SEMA3D: variants seen among roughly 807,000 people sequenced by gnomAD.
SEMA3D encodes semaphorin 3D.
SEMA3D carries 84 observed loss-of-function variants against 100.1 expected under a neutral mutation model. The observed-to-expected ratio is 0.84, with a 90% confidence interval of 0.70 to 1.01. The LOEUF (loss-of-function observed/expected upper bound fraction) is 1.01, where lower values mean the gene tolerates loss of function less well. SEMA3D is among the 50% of genes least tolerant of loss of function. The pLI, the probability that SEMA3D is intolerant of heterozygous loss-of-function variation, is 0.00. For synonymous variants in SEMA3D, 312 were observed against 320.7 expected (o/e 0.97, Z 0.29); for missense variants, 875 against 934.1 (o/e 0.94, Z 0.82).
chr7:85,147,103 T>TTTTC (rs1562834894), intron 2 of SEMA3D, among the ~76,000 whole-genome samples: 45 of 124,952 alleles, frequency 3.6e-4, no homozygotes, highest in African/African-American at 1.5e-3. Context: ...TTTTTTTTTT[T>TTTTC]TTTTTTTTTT....
At chr7:85,249,808 T>G in the SEMA3D span, among the ~76,000 whole-genome samples, 28,558 of 152,100 alleles carry the variant, frequency 0.19, 2,720 homozygotes, top group Middle Eastern at 0.25. Flanking sequence ...TAAAACTGCA[T>G]CTAGAAGTCT....
intron 8 of SEMA3D, among the ~76,000 whole-genome samples, chr7:85,057,409 A>C (rs1006571750): frequency 6.6e-6 from 1 of 152,236 alleles, no homozygotes; most frequent in Non-Finnish European, 1.5e-5. Context: ...AAAGAAGAAC[A>C]GAGCACTGAC....
intron 4 of SEMA3D, among the ~76,000 whole-genome samples, chr7:85,088,364 G>A (rs988538848): frequency 6.6e-6 from 1 of 152,130 alleles, no homozygotes; most frequent in African/African-American, 2.4e-5. Flanking sequence ...TCAGTCAAAT[G>A]CCCCTCAGCC....
chr7:85,055,205 G>A (rs1396862634), intron 9 of SEMA3D, among the ~76,000 whole-genome samples: 2 of 152,052 alleles, frequency 1.3e-5, no homozygotes, highest in East Asian at 3.9e-4. Context: ...CATATGTGAT[G>A]TGCGTGATGA....
In SEMA3D at chr7:85,024,059, C is replaced by A. The variant is rs185224300; in HGVS notation, c.1192-1446G>T. Among the ~76,000 whole-genome samples the A allele has an allele frequency of 2.4e-4, 36 of 151,850 alleles. 1 individual carries two copies. The highest frequency in any genetic ancestry group is 1.3e-4 in the Non-Finnish European group (9 of 67,908). ...GTTGGTCTAAAGATCTAAGTCTGCA[C>A]GTTCAGTCATTATTTCCAGCACTTA... On this transcript the variant is annotated intron_variant, in intron 12 of 18. Coordinates refer to ENST00000284136, the MANE Select transcript of SEMA3D (RefSeq NM_001384900.1).
chr7:85,163,009 G>T, intron 1 of SEMA3D: 1 of 927,452 alleles, frequency 1.1e-6, no homozygotes, highest in Non-Finnish European at 1.3e-6. Context: ...GTGAGCTAAC[G>T]AGAAGGAAAG....
At chr7:85,097,677 G>T (rs1225517417) in intron 4 of SEMA3D, 128 bp downstream of exon 4, 2 of 494,348 alleles carry the variant, frequency 4.0e-6, no homozygotes, top group Non-Finnish European at 7.2e-6. Flanking sequence ...TCTTTATGCT[G>T]CTTTTTGACA....
intron 1 of SEMA3D, among the ~76,000 whole-genome samples, chr7:85,166,648 A>G (rs1217917573): frequency 1.3e-5 from 2 of 151,984 alleles, no homozygotes; most frequent in African/African-American, 4.8e-5. Context: ...CAAGGCTACA[A>G]GCTTGTTAGT....
Position 84,999,787 on chromosome 7 carries a change from A to G in SEMA3D, c.1987T>C (p.Tyr663His), listed in dbSNP as rs370483889. ...GTGTGCTCCTGGGCTTTGCAGTAAT[A>G]CATCCCAGAATCCTTCTTCTGCAAA... is the stretch of plus-strand genomic sequence containing the variant. Reference protein sequence around the residue: ...RSLQKKDSGMYYCKAQEHTFI... With the variant: ...RSLQKKDSGMHYCKAQEHTFI... Residue 663 changes from tyrosine (Y) to histidine (H), a missense_variant, in exon 19 of 19, where the codon TAT becomes CAT. Transcript: ENST00000284136. 1 of 1,613,898 alleles carries G rather than the reference A, an allele frequency of 6.2e-7. No homozygotes were observed. Among genetic ancestry groups the G allele is most frequent in the African/African-American group, 1.3e-5 (1 of 74,912 alleles).
At chr7:85,202,581 C>T in the SEMA3D span, among the ~76,000 whole-genome samples, 2 of 152,088 alleles carry the variant, frequency 1.3e-5, no homozygotes, top group African/African-American at 4.8e-5. Flanking sequence ...AAAATTTTCG[C>T]AACCTACTCA....
intron 9 of SEMA3D, chr7:85,050,810 T>A (rs1583872168): frequency 2.1e-6 from 1 of 468,858 alleles, no homozygotes; most frequent in South Asian, 3.9e-5. Flanking sequence ...AAATGACATA[T>A]CTCTTTGATC....
At chr7:85,004,776 C>T (rs1789747942) in intron 18 of SEMA3D, among the ~76,000 whole-genome samples, 1 of 151,926 alleles carries the variant, frequency 6.6e-6, no homozygotes, top group Non-Finnish European at 1.5e-5. Context: ...TTCCTCAGCT[C>T]AGGAAGCAGT....
intron 8 of SEMA3D, among the ~76,000 whole-genome samples, chr7:85,059,720 C>T (rs1791421332): frequency 6.6e-6 from 1 of 152,044 alleles, no homozygotes; most frequent in Non-Finnish European, 1.5e-5. Flanking sequence ...CTCAATCACT[C>T]AAATGGGAGA....
intron 2 of SEMA3D, among the ~76,000 whole-genome samples, chr7:85,127,089 C>A (rs1341682427): frequency 6.6e-6 from 1 of 152,058 alleles, no homozygotes; most frequent in Non-Finnish European, 1.5e-5. Flanking sequence ...GTCTGGAAGG[C>A]CATCTGACTC....
the SEMA3D span, among the ~76,000 whole-genome samples, chr7:85,249,811 AG>A: frequency 6.6e-6 from 1 of 152,230 alleles, no homozygotes; most frequent in Non-Finnish European, 1.5e-5. Context: ...AACTGCATCT[AG>A]AAGTCTGTAG....
chr7:85,064,589 G>A (rs1791563085), intron 8 of SEMA3D, among the ~76,000 whole-genome samples: 1 of 152,026 alleles, frequency 6.6e-6, no homozygotes, highest in African/African-American at 2.4e-5. Flanking sequence ...CTCTACCCTC[G>A]CCTCCTTCAC....
intron 1 of SEMA3D, among the ~76,000 whole-genome samples, chr7:85,160,960 G>A (rs568352280): frequency 2.6e-5 from 4 of 152,258 alleles, no homozygotes; most frequent in African/African-American, 9.6e-5. Flanking sequence ...AGGAAGTGAA[G>A]TATAAAAATG....
intron 18 of SEMA3D, among the ~76,000 whole-genome samples, chr7:85,002,726 G>A (rs76919477): frequency 6.6e-6 from 1 of 152,162 alleles, no homozygotes; most frequent in Non-Finnish European, 1.5e-5. Context: ...TTGAGCTGGG[G>A]TCAACTATCC....
At chr7:85,167,430 T>C (rs1007134269) in intron 1 of SEMA3D, 86 of 969,646 alleles carry the variant, frequency 8.9e-5, no homozygotes, top group Non-Finnish European at 9.8e-5. Context: ...CTTTGAATGA[T>C]ATAATTTACT....
Sources: gnomAD v4.1 joint callset for allele counts (sites outside exome capture counted in the v4.1 genomes callset) on GRCh38, gnomAD v4.1.1 for gene constraint, MANE v1.5 for transcripts, NCBI Gene and HGNC (gene_info 2026-07-23, HGNC 2026-07-21) for gene names.